GRM5: variants seen among roughly 807,000 people sequenced by gnomAD.
GRM5 encodes the protein glutamate metabotropic receptor 5.
Under a neutral mutation model 83.1 loss-of-function variants are expected in GRM5, and 19 were observed. That is an observed-to-expected ratio of 0.23 (90% CI 0.16 to 0.34). The LOEUF is 0.34. Among genes scored for constraint, GRM5 ranks in the 10% least tolerant of loss-of-function variants. The pLI is 1.00. For synonymous variants in GRM5, 675 were observed against 633.6 expected (o/e 1.07, Z -0.98); for missense variants, 1,160 against 1,588.3 (o/e 0.73, Z 4.58).
chr11:88,590,797 G>A (rs772678554), intron 6 of GRM5, 70 bp from the exon 7 acceptor site: 12 of 1,243,136 alleles, frequency 9.7e-6, no homozygotes, highest in Non-Finnish European at 1.3e-5. Flanking sequence ...ATATTCCAAT[G>A]TGCTGTTTTG....
chr11:88,535,108 A>G (rs1215069498), intron 8 of GRM5, among the ~76,000 whole-genome samples: 1 of 152,194 alleles, frequency 6.6e-6, no homozygotes, highest in Non-Finnish European at 1.5e-5. Context: ...GCAGCATGAA[A>G]ACGAACTAAT....
At chr11:88,891,234 A>T (rs1439154178) in intron 2 of GRM5, among the ~76,000 whole-genome samples, 2 of 152,084 alleles carry the variant, frequency 1.3e-5, no homozygotes, top group Non-Finnish European at 2.9e-5. Flanking sequence ...CAAAGGTAAA[A>T]TTTGGCTTTG....
At chr11:88,665,173 A>ACACACG (rs1168284955) in intron 3 of GRM5, among the ~76,000 whole-genome samples, 1 of 151,720 alleles carries the variant, frequency 6.6e-6, no homozygotes, top group African/African-American at 2.4e-5. Flanking sequence ...ACACACACAC[A>ACACACG]CACACACACA....
chr11:88,590,512 A>G (rs1413264559), intron 7 of GRM5, 89 bp downstream of exon 7: 1 of 1,008,710 alleles, frequency 9.9e-7, no homozygotes, highest in Non-Finnish European at 1.5e-6. Flanking sequence ...ACTACCCAAG[A>G]TGAGTAACGC....
chr11:88,692,857 G>A (rs77864285), intron 3 of GRM5, among the ~76,000 whole-genome samples: 2,741 of 152,224 alleles, frequency 0.018, 70 homozygotes, highest in East Asian at 0.1. Flanking sequence ...CATCCTGGAG[G>A]CCTGCACAGG....
chr11:88,565,487 C>T lies in GRM5; in HGVS notation c.2630+1566G>A, dbSNP rs566612411. On this transcript the variant is annotated intron_variant, in intron 8 of 9. Coordinates refer to ENST00000305447, the MANE Select transcript of GRM5 (RefSeq NM_001143831.3). ...GACATAGACTCACAATTCCCTTCCT[C>T]CATCAATATGCTTGTTTTATATACC... 5.9e-5 allele frequency among the ~76,000 whole-genome samples: 9 copies of T among 152,314 alleles called. No individual in the cohort carries two copies. The South Asian group carries it at 1.9e-3, about 32-fold the overall frequency.
intron 5 of GRM5, among the ~76,000 whole-genome samples, chr11:88,600,081 A>T (rs1453039537): frequency 1.3e-5 from 2 of 152,188 alleles, no homozygotes; most frequent in African/African-American, 4.8e-5. Flanking sequence ...TAAAGATCCA[A>T]CTTGCACATA....
chr11:88,950,128 C>T (rs1347313685), intron 2 of GRM5, among the ~76,000 whole-genome samples: 2 of 151,886 alleles, frequency 1.3e-5, no homozygotes, highest in Non-Finnish European at 2.9e-5. Context: ...CCTGCCTCAG[C>T]CTCCCAAAGT....
chr11:88,696,995 G>A (rs1370418365), intron 3 of GRM5, among the ~76,000 whole-genome samples: 2 of 152,164 alleles, frequency 1.3e-5, no homozygotes, highest in African/African-American at 4.8e-5. Flanking sequence ...CCTACCAGCT[G>A]CAACTTAAGC....
chr11:88,799,626 T>A (rs1271783955), intron 3 of GRM5, among the ~76,000 whole-genome samples: 1 of 152,104 alleles, frequency 6.6e-6, no homozygotes, highest in Non-Finnish European at 1.5e-5. Context: ...AACACACTCA[T>A]CATCTTTAAT....
chr11:88,996,188 C>A (rs1243196779), intron 2 of GRM5, among the ~76,000 whole-genome samples: 1 of 152,130 alleles, frequency 6.6e-6, no homozygotes, highest in Admixed American at 6.5e-5. Context: ...TACAAAATGG[C>A]CTATTTTCCA....
intron 3 of GRM5, among the ~76,000 whole-genome samples, chr11:88,740,609 T>G (rs1389771633): frequency 6.6e-6 from 1 of 151,982 alleles, no homozygotes; most frequent in East Asian, 1.9e-4. Context: ...TCCACCAGAG[T>G]GACAGAGTTG....
chr11:89,054,550 TC>T (rs1392054665), intron 1 of GRM5, among the ~76,000 whole-genome samples: 5 of 152,052 alleles, frequency 3.3e-5, no homozygotes. Context: ...TATACAGAAG[TC>T]CTTTTTGTAA....
intron 2 of GRM5, among the ~76,000 whole-genome samples, chr11:88,899,275 A>C (rs1163591312): frequency 1.3e-5 from 2 of 151,958 alleles, no homozygotes; most frequent in Admixed American, 1.3e-4. Context: ...AAGTCTCATC[A>C]GTAAATAAGC....
chr11:88,980,920 A>G (rs144834568), intron 2 of GRM5, among the ~76,000 whole-genome samples: 3,163 of 152,266 alleles, frequency 0.021, 109 homozygotes, highest in African/African-American at 0.073. Context: ...GGTGATGTAA[A>G]ATATCATTAA....
chr11:88,548,015 T>C (rs1261943411), intron 8 of GRM5, among the ~76,000 whole-genome samples: 2 of 152,142 alleles, frequency 1.3e-5, no homozygotes, highest in African/African-American at 4.8e-5. Flanking sequence ...AGTTGGGACA[T>C]AGAAGGTGAG....
At chr11:88,757,353 G>A (rs1942415858) in intron 3 of GRM5, among the ~76,000 whole-genome samples, 1 of 152,156 alleles carries the variant, frequency 6.6e-6, no homozygotes, top group South Asian at 2.1e-4. Context: ...CCATGCCTCT[G>A]CTGCTGGTGG....
chr11:88,835,610 A>C (rs544231135), intron 3 of GRM5, among the ~76,000 whole-genome samples: 1 of 152,212 alleles, frequency 6.6e-6, no homozygotes, highest in African/African-American at 2.4e-5. Context: ...AGGATGACAC[A>C]ATTACACTTG....
At chr11:88,757,296 T>C (rs1159859235) in intron 3 of GRM5, among the ~76,000 whole-genome samples, 3 of 152,178 alleles carry the variant, frequency 2.0e-5, no homozygotes, top group East Asian at 1.9e-4. Context: ...TGCAGGTAGA[T>C]TTTTGCATTC....
Sources: allele counts gnomAD v4.1 joint callset (sites outside exome capture counted in the v4.1 genomes callset), GRCh38; gene constraint gnomAD v4.1.1; transcripts MANE v1.5; gene names NCBI Gene and HGNC (gene_info 2026-07-23, HGNC 2026-07-21).